C21orf58: variants seen among roughly 807,000 people sequenced by gnomAD.
C21orf58 encodes the protein uncharacterized protein C21orf58.
In C21orf58, 34 loss-of-function variants were observed where a neutral mutation model predicts 35.8. The observed-to-expected ratio is 0.95, with a 90% confidence interval of 0.72 to 1.26. The LOEUF is 1.26. Ranked by LOEUF, C21orf58 falls within the 50% of genes most tolerant of loss-of-function variation. The probability of loss-of-function intolerance (pLI) is 0.00; values close to 1 mark genes in which losing one functional copy is unlikely to be tolerated. For synonymous variants in C21orf58, 191 were observed against 175.8 expected, an observed-to-expected ratio of 1.09 and a Z score of -0.68; for missense variants, 440 against 414.3, an observed-to-expected ratio of 1.06 and a Z score of -0.54.
At chr21:46,318,695 C>A in intron 1 of C21orf58, 1 of 1,045,974 alleles carries the variant, frequency 9.6e-7, no homozygotes. Flanking sequence ...TTGCAGGCAG[C>A]AGAAGGGGTA....
At chr21:46,304,887 TCTGTGAC>T (rs1259994070) in intron 6 of C21orf58, among the ~76,000 whole-genome samples, 5 of 152,218 alleles carry the variant, frequency 3.3e-5, no homozygotes. Flanking sequence ...CTGTTACTCA[TCTGTGAC>T]CTGCTGCAAT....
intron 3 of C21orf58, among the ~76,000 whole-genome samples, chr21:46,315,946 T>A (rs1435318849): frequency 6.6e-6 from 1 of 152,080 alleles, no homozygotes; most frequent in East Asian, 1.9e-4. Context: ...TGGCCCCAAG[T>A]GGTCTAGAGT....
chr21:46,318,492 C>A (rs2083057079), intron 1 of C21orf58: 17 of 1,350,660 alleles, frequency 1.3e-5, no homozygotes, highest in Non-Finnish European at 1.6e-5. Context: ...GCAGTCGTGA[C>A]CCCCTATGCA....
At chr21:46,302,710 G>A (rs1167581190) in intron 6 of C21orf58, 134 bp from the exon 7 acceptor site, 6 of 707,314 alleles carry the variant, frequency 8.5e-6, no homozygotes, top group Admixed American at 4.7e-5. Flanking sequence ...CTCTGAGTCC[G>A]TCTGCACACG....
intron 6 of C21orf58, among the ~76,000 whole-genome samples, chr21:46,303,700 ACAC>A (rs2082229863): frequency 9.5e-6 from 1 of 105,576 alleles, no homozygotes; most frequent in Admixed American, 1.1e-4. Context: ...ACACACACAC[ACAC>A]ACAAAATATA....
At chr21:46,311,727 C>A (rs1054169673) in intron 5 of C21orf58, 160 bp from the exon 6 acceptor site, 13 of 459,864 alleles carry the variant, frequency 2.8e-5, no homozygotes, top group Non-Finnish European at 4.4e-5. Context: ...ATCCACCCAT[C>A]CATCCAACCA....
At chr21:46,302,181 G>A (rs1278760036) in intron 7 of C21orf58, 27 bp from the exon 8 acceptor site, 2 of 1,451,152 alleles carry the variant, frequency 1.4e-6, no homozygotes, top group African/African-American at 2.8e-5. Context: ...TGCTGCTTAG[G>A]ACGCAGCCCA....
At chr21:46,316,531 G>A (rs958205216) in intron 3 of C21orf58, among the ~76,000 whole-genome samples, 1 of 152,226 alleles carries the variant, frequency 6.6e-6, no homozygotes, top group Admixed American at 6.5e-5. Context: ...GGGGGGCAGG[G>A]TTCTGGCCTC....
At chr21:46,300,701 G>C, downstream of C21orf58, 2 of 1,285,556 alleles carry the variant, frequency 1.6e-6, no homozygotes, top group Non-Finnish European at 2.0e-6. Context: ...GCAACTCTCT[G>C]GTCATCCTGT....
At chr21:46,311,612 A>G (rs975254672) in intron 5 of C21orf58, 45 bp from the exon 6 acceptor site, 2 of 1,235,854 alleles carry the variant, frequency 1.6e-6, no homozygotes, top group Non-Finnish European at 2.3e-6. Flanking sequence ...GTCCTTGAAG[A>G]AAGTGTCTCC....
In C21orf58 at chr21:46,318,897, G is replaced by T. The variant is rs541947291; in HGVS notation, c.101-677C>A. ...GTTGGGCATTAAACTCCACGTTGAT[G>T]AGTTAGTCAATCCCACTAGCAGGCA... On this transcript the variant is annotated intron_variant, in intron 1 of 7. Coordinates refer to ENST00000291691, the MANE Select transcript of C21orf58 (RefSeq NM_058180.5). 3 of 977,558 alleles carry T rather than the reference G, an allele frequency of 3.1e-6. No individual in the cohort carries two copies. The East Asian group carries it at 3.4e-4, about 111-fold the overall frequency. The allele number at this position is 977,558 out of a possible 1,614,324, so 60.6% of individuals were successfully genotyped here. A position where few individuals can be genotyped will look rare whatever the true frequency, so the allele number is the denominator to read the frequency against.
chr21:46,317,437 C>T, intron 2 of C21orf58, 169 bp from the exon 3 acceptor site: 1 of 1,183,836 alleles, frequency 8.4e-7, no homozygotes, highest in East Asian at 2.6e-5. Context: ...TCTCCCTGAG[C>T]TGCCTCTGTA....
At chr21:46,316,811 C>T (rs1280314177) in intron 3 of C21orf58, among the ~76,000 whole-genome samples, 1 of 152,242 alleles carries the variant, frequency 6.6e-6, no homozygotes, top group African/African-American at 2.4e-5. Flanking sequence ...CTCCTCTGGC[C>T]TCCTCAGCTT....
At chr21:46,302,452 T>C (rs2082149737) in intron 7 of C21orf58, 33 bp downstream of exon 7, 5 of 1,522,260 alleles carry the variant, frequency 3.3e-6, no homozygotes, top group Non-Finnish European at 4.5e-6. Flanking sequence ...CCCTGTTTCC[T>C]TGGCCTAGGG....
rs1569116163 is a variant in C21orf58, at chr21:46,303,727, ATATATATATATATATATATTTTTT to A, written c.722-1175_722-1152del. 1.1e-3 allele frequency among the ~76,000 whole-genome samples: 30 copies of A among 26,612 alleles called. 2 individuals are homozygous for A. The highest frequency in any genetic ancestry group is 1.9e-3 in the Non-Finnish European group (26 of 13,440). The allele number at this position is 26,612 out of a possible 152,430, so 17.5% of individuals were successfully genotyped here. A position where few individuals can be genotyped will look rare whatever the true frequency, so the allele number is the denominator to read the frequency against. On this transcript the variant is annotated intron_variant, in intron 6 of 7. Transcript: ENST00000291691. Reference sequence around the variant, plus strand: ...ACACAAAATATATATATATATATATATATATATATATATATATATTTTTTTTTTTTTTTTTTTTTTTGGAGACAG... The same window carrying A: ...ACACAAAATATATATATATATATATATTTTTTTTTTTTTTTTTGGAGACAG...
rs953822367 is a variant in C21orf58 at position 46,310,508 on chromosome 21, A to C, written c.721+948T>G. ...AAAAAAAATAAAAATAAAAAAAAAA[A>C]ACAAAACTTGTCAAATTGGGCCGGG... On this transcript the variant is annotated intron_variant, in intron 6 of 7. Coordinates refer to ENST00000291691, the MANE Select transcript of C21orf58 (RefSeq NM_058180.5). Among the ~76,000 whole-genome samples the C allele has an allele frequency of 2.8e-5, 4 of 145,154 alleles. 1 individual carries two copies. The highest frequency in any genetic ancestry group is 4.2e-4 in the South Asian group (2 of 4,706).
At chr21:46,320,474 T>C (rs1307405544) in intron 1 of C21orf58, among the ~76,000 whole-genome samples, 1 of 125,730 alleles carries the variant, frequency 8.0e-6, no homozygotes, top group Non-Finnish European at 1.5e-5. Flanking sequence ...GCACCACTAC[T>C]GCACTCCATC....
At chr21:46,320,300 AC>A (rs2083111744) in intron 1 of C21orf58, among the ~76,000 whole-genome samples, 1 of 151,954 alleles carries the variant, frequency 6.6e-6, no homozygotes, top group Non-Finnish European at 1.5e-5. Flanking sequence ...ATGGGGTTTC[AC>A]CATGTTGGCC....
intron 6 of C21orf58, among the ~76,000 whole-genome samples, chr21:46,303,919 T>TTTTG (rs1491145675): frequency 1.0e-4 from 15 of 143,374 alleles, no homozygotes; most frequent in East Asian, 4.1e-4. Flanking sequence ...GCCCGGCTAA[T>TTTTG]TTTTTGTATT....
Sources: allele counts gnomAD v4.1 joint callset (sites outside exome capture counted in the v4.1 genomes callset), GRCh38; gene constraint gnomAD v4.1.1; transcripts MANE v1.5; gene names NCBI Gene and HGNC (gene_info 2026-07-23, HGNC 2026-07-21).